The following NRXN1 variants were observed in gnomAD, a reference collection of about 807,000 sequenced individuals.
NRXN1 encodes neurexin-1.
NRXN1 carries 39 observed loss-of-function variants against 150.9 expected under a neutral mutation model. The observed-to-expected ratio is 0.26, with a 90% CI of 0.20 to 0.34. NRXN1 has a LOEUF of 0.34. NRXN1 is among the 10% of genes least tolerant of loss of function. NRXN1 has a pLI of 1.00. For synonymous variants in NRXN1, 924 were observed against 757.0 expected (o/e 1.22, Z -3.62); for missense variants, 1,815 against 1,949.9 (o/e 0.93, Z 1.30).
At chr2:50,835,297 A>C (rs1303784605) in intron 5 of NRXN1, among the ~76,000 whole-genome samples, 1 of 152,200 alleles carries the variant, frequency 6.6e-6, no homozygotes. Flanking sequence ...CCCTTAAAAT[A>C]AGATTTTACT....
intron 5 of NRXN1, among the ~76,000 whole-genome samples, chr2:50,862,392 C>A (rs1676268601): frequency 6.6e-6 from 1 of 151,980 alleles, no homozygotes; most frequent in Non-Finnish European, 1.5e-5. Context: ...GGGGTTCCTA[C>A]ATCTTTTGAA....
Position 51,026,602 on chromosome 2 carries a change from G to C in NRXN1, c.772+900C>G, listed in dbSNP as rs931904348. ...AAATGTCATTAGCCGAATATCCTTA[G>C]AAAATCTCTTGCAATCCCTTACATG... is the stretch of plus-strand genomic sequence containing the variant. On this transcript the variant is annotated intron_variant, in intron 2 of 22. Coordinates refer to ENST00000401669, the MANE Select transcript of NRXN1 (RefSeq NM_001330078.2). The C allele has an allele frequency of 1.1e-5, 7 of 654,744 alleles. No individual in the cohort carries two copies. In the African/African-American group the frequency reaches 1.3e-4, roughly 12 times the overall value. 40.6% of individuals were successfully genotyped at this position (654,744 alleles called of 1,614,324 possible).
At chr2:50,804,373 T>G (rs974993230) in intron 5 of NRXN1, among the ~76,000 whole-genome samples, 2 of 152,208 alleles carry the variant, frequency 1.3e-5, no homozygotes, top group African/African-American at 4.8e-5. Flanking sequence ...AGCATTATCT[T>G]GCTTAATTTG....
At chr2:50,087,890 T>A (rs1183750922) in intron 19 of NRXN1, among the ~76,000 whole-genome samples, 1 of 152,160 alleles carries the variant, frequency 6.6e-6, no homozygotes, top group Non-Finnish European at 1.5e-5. Flanking sequence ...TGCTACCAGA[T>A]GAATTGCTTC....
intron 5 of NRXN1, among the ~76,000 whole-genome samples, chr2:50,863,940 C>A (rs1574750549): frequency 6.6e-6 from 1 of 152,090 alleles, no homozygotes; most frequent in East Asian, 1.9e-4. Flanking sequence ...AAATACAGCA[C>A]CTCCTCAGGT....
At chr2:50,355,006 G>T (rs2078692295) in intron 17 of NRXN1, among the ~76,000 whole-genome samples, 2 of 151,886 alleles carry the variant, frequency 1.3e-5, no homozygotes, top group African/African-American at 4.8e-5. Flanking sequence ...CAAATTCTTT[G>T]GTAAACACAG....
In NRXN1 at chr2:50,531,272, G is replaced by A. The variant is rs1366339567; in HGVS notation, c.2302C>T (p.Arg768Cys). ...ACACGTCCTGCGTCTAGCTCCAGGC[G>A]GAGGGTGTCAGCAGAGTCTCTAGAA... ...TTSRDSADTL[R>C]LELDAGRVKL... Residue 768 changes from arginine (R) to cysteine (C), a missense_variant, in exon 11 of 23, where the codon CGC becomes TGC. This residue lies in a region of NRXN1 where 638 missense variants were observed against 652.6 expected (regional missense o/e 0.98). Transcript: ENST00000401669. 2.5e-6 allele frequency: 4 copies of A among 1,613,540 alleles called. No individual in the cohort carries two copies. Among genetic ancestry groups the A allele is most frequent in the East Asian group, 2.2e-5 (1 of 44,844 alleles).
chr2:50,653,437 T>A (rs1279153947), intron 5 of NRXN1, among the ~76,000 whole-genome samples: 1 of 152,046 alleles, frequency 6.6e-6, no homozygotes, highest in Admixed American at 6.6e-5. Flanking sequence ...TGATTGAGAC[T>A]CAGTTACTTT....
chr2:50,266,009 T>A lies in NRXN1; in HGVS notation c.3365-29039A>T, dbSNP rs1193630525. ...TTATTATTATTATTATTTATTTTTTTTTTTTTTGAGATAGAGTCTCACTCT... is the reference window on the plus strand; with the variant it reads ...TTATTATTATTATTATTTATTTTTTATTTTTTTGAGATAGAGTCTCACTCT... On this transcript the variant is annotated intron_variant, in intron 17 of 22. Transcript: ENST00000401669. Among the ~76,000 whole-genome samples the A allele has an allele frequency of 4.2e-3, 592 of 141,906 alleles. 1 individual carries two copies. Among genetic ancestry groups the A allele is most frequent in the African/African-American group, 0.013 (517 of 39,384 alleles). The allele number at this position is 141,906 out of a possible 152,430, so 93.1% of individuals were successfully genotyped here. A position where few individuals can be genotyped will look rare whatever the true frequency, so the allele number is the denominator to read the frequency against.
chr2:50,718,546 G>GTACTC (rs1696167917), intron 5 of NRXN1, among the ~76,000 whole-genome samples: 1 of 152,120 alleles, frequency 6.6e-6, no homozygotes, highest in African/African-American at 2.4e-5. Context: ...TTTTACTAAT[G>GTACTC]TACTCAAGTT....
At chr2:50,266,484 T>C (rs1343440946) in intron 17 of NRXN1, among the ~76,000 whole-genome samples, 5 of 147,714 alleles carry the variant, frequency 3.4e-5, no homozygotes, top group Non-Finnish European at 4.5e-5. Flanking sequence ...ATAATATATA[T>C]AATTTTTATA....
chr2:50,186,659 T>G (rs2061092825), intron 18 of NRXN1, among the ~76,000 whole-genome samples: 1 of 152,066 alleles, frequency 6.6e-6, no homozygotes. Flanking sequence ...AAATTTCCTT[T>G]GCTGTGCATC....
intron 19 of NRXN1, among the ~76,000 whole-genome samples, chr2:50,065,701 T>C (rs191935765): frequency 4.7e-4 from 72 of 152,292 alleles, no homozygotes; most frequent in African/African-American, 1.7e-3. Context: ...ATGCCTTGTA[T>C]GCATAGCTAC....
At position 50,008,468 on chromosome 2, in the gene NRXN1, A is replaced by ATT. The variant is rs3046626; in HGVS notation, c.4128+44801_4128+44802dup. On this transcript the variant is annotated intron_variant, in intron 21 of 22. Coordinates refer to ENST00000401669, the MANE Select transcript of NRXN1 (RefSeq NM_001330078.2). ...GAAAACTCCTTTGGAGAAGGATGCC[A>ATT]TTTTTTTTTTTTTTTTGAGATGGAG... Among the ~76,000 whole-genome samples, 77 of 136,380 alleles carry ATT rather than the reference A, an allele frequency of 5.6e-4. 6 individuals carry two copies. The highest frequency in any genetic ancestry group is 8.4e-4 in the African/African-American group (31 of 36,882). 89.5% of individuals were successfully genotyped at this position (136,380 alleles called of 152,430 possible). A position where few individuals can be genotyped will look rare whatever the true frequency, so the allele number is the denominator to read the frequency against.
At chr2:50,274,176 C>T (rs1426635852) in intron 17 of NRXN1, among the ~76,000 whole-genome samples, 1 of 151,928 alleles carries the variant, frequency 6.6e-6, no homozygotes, top group African/African-American at 2.4e-5. Context: ...CACATATACA[C>T]CATGGAATAC....
chr2:50,379,457 A>G (rs2080785602), intron 17 of NRXN1, among the ~76,000 whole-genome samples: 1 of 152,166 alleles, frequency 6.6e-6, no homozygotes, highest in Non-Finnish European at 1.5e-5. Context: ...CTCCCTGAGA[A>G]TCAGTCTCGC....
At chr2:50,524,349 C>T (rs930306443) in intron 12 of NRXN1, among the ~76,000 whole-genome samples, 11 of 151,952 alleles carry the variant, frequency 7.2e-5, no homozygotes, top group African/African-American at 2.7e-4. Context: ...CATGCTGGTG[C>T]ACGCCTGTAG....
intron 17 of NRXN1, among the ~76,000 whole-genome samples, chr2:50,300,189 C>A (rs1244545564): frequency 6.6e-6 from 1 of 152,056 alleles, no homozygotes; most frequent in Non-Finnish European, 1.5e-5. Flanking sequence ...ACAAAAAGAG[C>A]CGTTGTTTCT....
At position 50,689,874 on chromosome 2, in the gene NRXN1, G is replaced by C. The variant is rs1574110538; in HGVS notation, c.833-66259C>G. Among the ~76,000 whole-genome samples the C allele has an allele frequency of 2.7e-5, 4 of 147,944 alleles. No individual in the cohort carries two copies. The South Asian group carries it at 8.4e-4, about 31-fold the overall frequency. On this transcript the variant is annotated intron_variant, in intron 5 of 22. Coordinates refer to ENST00000401669, the MANE Select transcript of NRXN1 (RefSeq NM_001330078.2). ...CTTATTTGTGTGTGTGTGTGTGTGT[G>C]TGTGTGTGTGTGTGTGTGTGTGTGT...
Sources: allele counts gnomAD v4.1 joint callset (sites outside exome capture counted in the v4.1 genomes callset), GRCh38; gene constraint gnomAD v4.1.1; regional missense constraint gnomAD v4.1.1; transcripts MANE v1.5; gene names NCBI Gene and HGNC (gene_info 2026-07-23, HGNC 2026-07-21).